Variants in LRPAP1 observed in about 807,000 individuals in gnomAD.
The protein encoded by LRPAP1 is LDL receptor related protein associated protein 1.
A neutral mutation model predicts 39.9 loss-of-function variants in LRPAP1; 41 were observed. The observed-to-expected ratio is 1.03, with a 90% confidence interval of 0.80 to 1.33. LRPAP1 has a LOEUF of 1.33. Ranked by LOEUF, LRPAP1 falls within the 40% of genes most tolerant of loss-of-function variation. LRPAP1 has a pLI of 0.00. For missense variants in LRPAP1, 565 were observed against 482.3 expected (o/e 1.17, Z -1.61); for synonymous variants, 263 against 212.7 (o/e 1.24, Z -2.06).
chr4:3,522,753 G>A (rs1729958048), intron 2 of LRPAP1, among the ~76,000 whole-genome samples: 1 of 152,034 alleles, frequency 6.6e-6, no homozygotes, highest in South Asian at 2.1e-4. Context: ...CTCCCTGCCT[G>A]GGGAGTGAAG....
In LRPAP1 at chr4:3,520,643, G is replaced by A. The variant is rs147194852; in HGVS notation, c.350-450C>T. On this transcript the variant is annotated intron_variant, in intron 2 of 7. Coordinates refer to ENST00000650182, the MANE Select transcript of LRPAP1 (RefSeq NM_002337.4). ...AGGGCAAAAACTCTAAGGACCACAG[G>A]ACAGAGGCCACCTGCAGACTGTGCA... Among the ~76,000 whole-genome samples the A allele has an allele frequency of 2.7e-3, 418 of 152,364 alleles. 4 individuals carry two copies. The highest frequency in any genetic ancestry group is 9.4e-3 in the African/African-American group (389 of 41,598).
Position 3,503,745 on chromosome 4 carries a change from A to T in LRPAP1, c.*9229T>A, listed in dbSNP as rs1729269680. Reference sequence around the variant, plus strand: ...CGCGCTTGTTTCACAAAACAACAGCAGACAACAGAGATTTCCAACTCCAGC... The same window carrying T: ...CGCGCTTGTTTCACAAAACAACAGCTGACAACAGAGATTTCCAACTCCAGC... On this transcript the variant is annotated 3_prime_UTR_variant, in exon 8 of 8. Coordinates refer to ENST00000650182, the MANE Select transcript of LRPAP1 (RefSeq NM_002337.4). The T allele has an allele frequency of 6.6e-6, 1 of 152,298 alleles. No individual in the cohort carries two copies. Among genetic ancestry groups the T allele is most frequent in the Admixed American group, 6.5e-5 (1 of 15,288 alleles). The allele number at this position is 152,298 out of a possible 1,614,324, so 9.4% of individuals were successfully genotyped here. A position where few individuals can be genotyped will look rare whatever the true frequency, so the allele number is the denominator to read the frequency against.
chr4:3,524,403 G>A (rs1050287319), intron 2 of LRPAP1, among the ~76,000 whole-genome samples: 11 of 152,342 alleles, frequency 7.2e-5, no homozygotes, highest in Middle Eastern at 3.4e-3. Context: ...CAAGATGCTA[G>A]GGCAGACCTG....
At position 3,532,391 on chromosome 4, in the gene LRPAP1, A is replaced by G; in HGVS notation, c.22T>C (p.Ser8Pro). The G allele has an allele frequency of 6.3e-7, 1 of 1,585,706 alleles. No individual in the cohort carries two copies. The highest frequency in any genetic ancestry group is 8.6e-7 in the Non-Finnish European group (1 of 1,166,822). The change falls in exon 1 of 8, where the codon TCG becomes CCG. Residue 8 changes from serine to proline, a missense_variant. Ser to Pro is a moderately conservative substitution (Grantham distance 74). Transcript: ENST00000650182. Reference protein sequence around the residue: MAPRRVRSFLRGLPALLL... With the variant: MAPRRVRPFLRGLPALLL... ...AGCGCCGGGAGCCCGCGCAGAAACGACCTGACCCTCCGCGGCGCCATCTTC... is the reference window on the plus strand; with the variant it reads ...AGCGCCGGGAGCCCGCGCAGAAACGGCCTGACCCTCCGCGGCGCCATCTTC...
chr4:3,522,059 T>C (rs1356303064), intron 2 of LRPAP1, among the ~76,000 whole-genome samples: 3 of 152,172 alleles, frequency 2.0e-5, no homozygotes, highest in Non-Finnish European at 2.9e-5. Context: ...ACACAAACTT[T>C]TTAAAAAAGT....
chr4:3,523,640 G>A (rs192659011), intron 2 of LRPAP1, among the ~76,000 whole-genome samples: 73 of 152,306 alleles, frequency 4.8e-4, no homozygotes, highest in Non-Finnish European at 1.0e-3. Flanking sequence ...CAAATGGGAC[G>A]ACAACGAGTT....
At position 3,531,877 on chromosome 4, in the gene LRPAP1, G is replaced by A. The variant is rs1730264755; in HGVS notation, c.204+332C>T. The A allele has an allele frequency of 1.5e-5, 6 of 391,390 alleles. No individual in the cohort carries two copies. In the Admixed American group the frequency reaches 2.2e-4, roughly 14 times the overall value. The allele number at this position is 391,390 out of a possible 1,614,324, so 24.2% of individuals were successfully genotyped here. A position where few individuals can be genotyped will look rare whatever the true frequency, so the allele number is the denominator to read the frequency against. ...GGTTGAGGGAACAGGCAAAGGCTCG[G>A]GAGGCAGGAGACCTGTGATCTAGCC... On this transcript the variant is annotated intron_variant, in intron 1 of 7. Coordinates refer to ENST00000650182, the MANE Select transcript of LRPAP1 (RefSeq NM_002337.4).
chr4:3,527,075 A>G (rs1167535621), intron 1 of LRPAP1, among the ~76,000 whole-genome samples: 1 of 152,082 alleles, frequency 6.6e-6, no homozygotes, highest in African/African-American at 2.4e-5. Flanking sequence ...TGGTCCCAGG[A>G]CAGTCTTTTG....
At position 3,512,122 on chromosome 4, in the gene LRPAP1, G is replaced by C. The variant is rs1328363599; in HGVS notation, c.*852C>G. On this transcript the variant is annotated 3_prime_UTR_variant, in exon 8 of 8. Coordinates refer to ENST00000650182, the MANE Select transcript of LRPAP1 (RefSeq NM_002337.4). Reference sequence around the variant, plus strand: ...GAACCACGCCTGGAGCCAGACCCGAGCCTCTTCCAGGCTCAGACACAGGAA... The same window carrying C: ...GAACCACGCCTGGAGCCAGACCCGACCCTCTTCCAGGCTCAGACACAGGAA... 4 of 152,290 alleles carry C rather than the reference G, an allele frequency of 2.6e-5. No individual in the cohort carries two copies. In the East Asian group the frequency reaches 5.8e-4, roughly 22 times the overall value. The allele number at this position is 152,290 out of a possible 1,614,324, so 9.4% of individuals were successfully genotyped here.
chr4:3,516,060 G>A, intron 6 of LRPAP1, 56 bp downstream of exon 6: 2 of 1,503,430 alleles, frequency 1.3e-6, no homozygotes, highest in East Asian at 2.4e-5. Flanking sequence ...CCCGGAAACT[G>A]CAAGAGAATC....
chr4:3,513,306 T>C (rs1454337112), intron 7 of LRPAP1, among the ~76,000 whole-genome samples: 1 of 152,132 alleles, frequency 6.6e-6, no homozygotes, highest in African/African-American at 2.4e-5. Context: ...GATAGGCCCA[T>C]GGTGTTATTT....
intron 3 of LRPAP1, among the ~76,000 whole-genome samples, chr4:3,519,313 T>C (rs1445220092): frequency 6.6e-6 from 1 of 152,100 alleles, no homozygotes; most frequent in Non-Finnish European, 1.5e-5. Context: ...CGGCTGCAGG[T>C]GGTGAGGACA....
At chr4:3,522,545 G>C (rs1012761384) in intron 2 of LRPAP1, among the ~76,000 whole-genome samples, 5 of 144,962 alleles carry the variant, frequency 3.4e-5, no homozygotes, top group African/African-American at 1.3e-4. Flanking sequence ...CACACGCCCT[G>C]CCCGGGGAGG....
intron 1 of LRPAP1, among the ~76,000 whole-genome samples, chr4:3,530,066 G>T (rs78426841): frequency 0.022 from 3,299 of 152,236 alleles, 105 homozygotes; most frequent in African/African-American, 0.074. Context: ...ACCTAGAGCG[G>T]CGAGTCAGGT....
Position 3,518,038 on chromosome 4 carries a change from C to G in LRPAP1, c.747G>C (p.Glu249Asp), listed in dbSNP as rs747159323. 4.4e-6 allele frequency: 7 copies of G among 1,606,104 alleles called. No individual in the cohort carries two copies. The African/African-American group carries it at 9.4e-5, about 21-fold the overall frequency. Residue 249 changes from glutamate (E) to aspartate (D), a missense_variant, in exon 5 of 8, where the codon GAG (glutamate) becomes GAC (aspartate). By Grantham distance (45) the Glu-to-Asp change is conservative (BLOSUM62 2). Transcript: ENST00000650182. ...CAGTCCCGGGCGGGCACTCACCAGCCTCAGTGCTGTAGCCCTGGTGGCTGA... is the reference window on the plus strand; with the variant it reads ...CAGTCCCGGGCGGGCACTCACCAGCGTCAGTGCTGTAGCCCTGGTGGCTGA... ...RRVSHQGYST[E>D]AEFEEPRVID...
At position 3,523,401 on chromosome 4, in the gene LRPAP1, G is replaced by A. The variant is rs144320986; in HGVS notation, c.349+1506C>T. Among the ~76,000 whole-genome samples, 7 of 152,308 alleles carry A rather than the reference G, an allele frequency of 4.6e-5. No individual in the cohort carries two copies. In the East Asian group the frequency reaches 1.2e-3, roughly 25 times the overall value. ...TCCCTGCCGCCGTATCTTGGCTTAC[G>A]TCTCAACCAGACTCTTGAACATGGT... On this transcript the variant is annotated intron_variant, in intron 2 of 7. Transcript: ENST00000650182.
intron 1 of LRPAP1, chr4:3,525,253 A>G: frequency 3.4e-6 from 2 of 587,066 alleles, no homozygotes; most frequent in African/African-American, 3.7e-5. Flanking sequence ...GCCTGTCTGT[A>G]TACACGATCC....
rs919040511 is a variant in LRPAP1, at chr4:3,509,212, T to C, written c.*3762A>G. ...GGAGTCATACATGGCAGTCAACGCA[T>C]GGACACCGGAGACTGTTGAGACGCC... On this transcript the variant is annotated 3_prime_UTR_variant, in exon 8 of 8. Transcript: ENST00000650182. The C allele has an allele frequency of 5.9e-5, 9 of 152,230 alleles. No homozygotes were observed. Among genetic ancestry groups the C allele is most frequent in the African/African-American group, 2.2e-4 (9 of 41,448 alleles). The allele number at this position is 152,230 out of a possible 1,614,324, so 9.4% of individuals were successfully genotyped here. A position where few individuals can be genotyped will look rare whatever the true frequency, so the allele number is the denominator to read the frequency against.
At chr4:3,526,671 C>G (rs1421293595) in intron 1 of LRPAP1, among the ~76,000 whole-genome samples, 3 of 152,208 alleles carry the variant, frequency 2.0e-5, no homozygotes, top group South Asian at 4.1e-4. Context: ...TCGCACGAAG[C>G]CAATTCTGTG....
Sources: allele counts gnomAD v4.1 joint callset (sites outside exome capture counted in the v4.1 genomes callset), GRCh38; gene constraint gnomAD v4.1.1; transcripts MANE v1.5; gene names NCBI Gene and HGNC (gene_info 2026-07-23, HGNC 2026-07-21).